Variants in ARMH4 observed in about 807,000 individuals in gnomAD.
ARMH4 encodes armadillo-like helical domain-containing protein 4.
In ARMH4, 49 loss-of-function variants were observed where a neutral mutation model predicts 61.9. The ratio of observed to expected loss-of-function variants is 0.79; its 90% CI spans 0.63 to 1.00. The LOEUF (loss-of-function observed/expected upper bound fraction) is 1.00, where lower values mean the gene tolerates loss of function less well. ARMH4 is among the 50% of genes least tolerant of loss of function. ARMH4 has a pLI of 0.00. For synonymous variants in ARMH4, 368 were observed against 341.5 expected, an observed-to-expected ratio of 1.08 and a Z score of -0.85; for missense variants, 934 against 930.0, an observed-to-expected ratio of 1.00 and a Z score of -0.06.
chr14:58,091,595 T>C (rs1406621329), intron 5 of ARMH4, among the ~76,000 whole-genome samples: 1 of 152,174 alleles, frequency 6.6e-6, no homozygotes, highest in African/African-American at 2.4e-5. Flanking sequence ...GAAATAAACA[T>C]TAAAATGGAT....
intron 5 of ARMH4, among the ~76,000 whole-genome samples, chr14:58,095,296 A>C (rs558706401): frequency 2.0e-5 from 3 of 152,244 alleles, no homozygotes; most frequent in African/African-American, 7.2e-5. Flanking sequence ...TGATACCTCC[A>C]TAGTATAAAG....
intron 5 of ARMH4, among the ~76,000 whole-genome samples, chr14:58,038,857 A>C (rs1221187716): frequency 6.6e-6 from 1 of 152,250 alleles, no homozygotes; most frequent in African/African-American, 2.4e-5. Context: ...TTCAGTTAGA[A>C]GTTACTGAAA....
chr14:58,148,329 G>A (rs913551674), intron 1 of ARMH4, among the ~76,000 whole-genome samples: 5 of 152,176 alleles, frequency 3.3e-5, no homozygotes, highest in African/African-American at 1.2e-4. Context: ...ACAGGCGTGA[G>A]CCACCGTGCT....
chr14:58,117,415 C>G (rs952400594), intron 4 of ARMH4, among the ~76,000 whole-genome samples: 4 of 152,104 alleles, frequency 2.6e-5, no homozygotes, highest in African/African-American at 9.7e-5. Context: ...ATTGACTATG[C>G]AAAAATATGT....
intron 5 of ARMH4, among the ~76,000 whole-genome samples, chr14:58,025,969 C>T (rs1028178760): frequency 3.9e-5 from 6 of 152,024 alleles, no homozygotes; most frequent in African/African-American, 1.4e-4. Context: ...GTACCCTAAT[C>T]TCTACTTTCA....
At chr14:58,085,463 T>C (rs1462294059) in intron 5 of ARMH4, among the ~76,000 whole-genome samples, 1 of 151,966 alleles carries the variant, frequency 6.6e-6, no homozygotes, top group Non-Finnish European at 1.5e-5. Context: ...TTCACAGCAT[T>C]CTCCTCAGAT....
intron 4 of ARMH4, among the ~76,000 whole-genome samples, chr14:58,118,093 G>A (rs1159136397): frequency 6.6e-6 from 1 of 152,100 alleles, no homozygotes; most frequent in Non-Finnish European, 1.5e-5. Flanking sequence ...TGGTCCAGGA[G>A]GCTTCATAGA....
At chr14:58,116,440 C>G (rs1002201932) in intron 4 of ARMH4, 1 of 377,942 alleles carries the variant, frequency 2.6e-6, no homozygotes, top group Admixed American at 2.7e-5. Context: ...TTTGGGAGGC[C>G]GAGGCAGGCA....
At chr14:58,075,901 A>G (rs1245169444) in intron 5 of ARMH4, among the ~76,000 whole-genome samples, 1 of 152,206 alleles carries the variant, frequency 6.6e-6, no homozygotes, top group Non-Finnish European at 1.5e-5. Context: ...TTCACTATCT[A>G]TATCTTAGGG....
intron 5 of ARMH4, among the ~76,000 whole-genome samples, chr14:58,063,181 C>T (rs1023633789): frequency 2.0e-5 from 3 of 152,194 alleles, no homozygotes; most frequent in African/African-American, 7.2e-5. Context: ...CTTCAAGTGA[C>T]CTCCTCACTC....
In ARMH4 at chr14:58,151,863, G is replaced by C. The variant is rs1440863646; in HGVS notation, c.-57+212C>G. Among the ~76,000 whole-genome samples the C allele has an allele frequency of 2.0e-5, 3 of 152,340 alleles. No individual in the cohort carries two copies. The East Asian group carries it at 5.8e-4, about 29-fold the overall frequency. On this transcript the variant is annotated intron_variant, in intron 1 of 7. Coordinates refer to ENST00000267485, the MANE Select transcript of ARMH4 (RefSeq NM_001001872.4). Reference sequence around the variant, plus strand: ...GAGGCCTGCGCGCCGCGCCCAGCGCGCCCAGAGCTGCCCCCGCGCACCCCA... The same window carrying C: ...GAGGCCTGCGCGCCGCGCCCAGCGCCCCCAGAGCTGCCCCCGCGCACCCCA...
intron 5 of ARMH4, among the ~76,000 whole-genome samples, chr14:58,050,125 C>T (rs374777765): frequency 4.6e-5 from 7 of 152,330 alleles, no homozygotes; most frequent in African/African-American, 1.7e-4. Flanking sequence ...GCATGACATT[C>T]ACCTTCTAAC....
intron 5 of ARMH4, among the ~76,000 whole-genome samples, chr14:58,032,266 G>A (rs1216815522): frequency 1.3e-5 from 2 of 152,092 alleles, no homozygotes; most frequent in Admixed American, 6.6e-5. Flanking sequence ...TTAAATCAAT[G>A]AATCATCTTC....
At chr14:58,046,174 T>C (rs1292132153) in intron 5 of ARMH4, among the ~76,000 whole-genome samples, 1 of 152,202 alleles carries the variant, frequency 6.6e-6, no homozygotes, top group East Asian at 1.9e-4. Context: ...TCCAGCCTTG[T>C]TGCTAATTTG....
chr14:58,039,080 G>C (rs965526132), intron 5 of ARMH4, among the ~76,000 whole-genome samples: 2 of 152,158 alleles, frequency 1.3e-5, no homozygotes, highest in Non-Finnish European at 2.9e-5. Context: ...AGCACAGCAG[G>C]GCACCTGTGC....
intron 5 of ARMH4, among the ~76,000 whole-genome samples, chr14:58,088,484 A>G (rs1885451844): frequency 6.6e-6 from 1 of 151,946 alleles, no homozygotes; most frequent in Admixed American, 6.6e-5. Flanking sequence ...TCTGCACCCA[A>G]GTCTTTGCTT....
At chr14:58,121,417 A>G (rs1186350644) in intron 4 of ARMH4, among the ~76,000 whole-genome samples, 1 of 152,244 alleles carries the variant, frequency 6.6e-6, no homozygotes, top group Non-Finnish European at 1.5e-5. Context: ...ACTTAATTGC[A>G]ATTATACCAA....
chr14:58,023,222 G>A (rs1408958121), intron 5 of ARMH4, among the ~76,000 whole-genome samples: 1 of 152,120 alleles, frequency 6.6e-6, no homozygotes, highest in African/African-American at 2.4e-5. Context: ...TGCTGTTTGA[G>A]AGCATTTTAC....
chr14:58,081,100 T>TATAAATAAATAAATAA (rs59178433), intron 5 of ARMH4, among the ~76,000 whole-genome samples: 3,185 of 148,334 alleles, frequency 0.021, 40 homozygotes, highest in South Asian at 0.046. Context: ...AGACTCTGTC[T>TATAAATAAATAAATAA]ATAAATAAAT....
Sources: allele counts gnomAD v4.1 joint callset (sites outside exome capture counted in the v4.1 genomes callset), GRCh38; gene constraint gnomAD v4.1.1; transcripts MANE v1.5; gene names NCBI Gene and HGNC (gene_info 2026-07-23, HGNC 2026-07-21).